NEK11: variants seen among roughly 807,000 people sequenced by gnomAD.
The protein encoded by NEK11 is serine/threonine-protein kinase Nek11.
NEK11 carries 72 observed loss-of-function variants against 80.7 expected under a neutral mutation model. The ratio of observed to expected loss-of-function variants is 0.89; its 90% CI spans 0.74 to 1.08. The LOEUF (loss-of-function observed/expected upper bound fraction) is 1.08, where lower values mean the gene tolerates loss of function less well. Ranked by LOEUF, NEK11 falls within the 50% of genes least tolerant of loss-of-function variation. The pLI is 0.00. For synonymous variants in NEK11, 251 were observed against 260.7 expected (o/e 0.96, Z 0.36); for missense variants, 764 against 763.6 (o/e 1.00, Z -0.01).
chr3:131,109,772 A>G, intron 4 of NEK11, 31 bp from the exon 5 acceptor site: 1 of 1,555,446 alleles, frequency 6.4e-7, no homozygotes, highest in Non-Finnish European at 8.6e-7. Flanking sequence ...ATTAGCTGAA[A>G]AAATATGAAA....
chr3:131,177,376 A>G (rs2093086047), intron 14 of NEK11, among the ~76,000 whole-genome samples: 1 of 152,220 alleles, frequency 6.6e-6, no homozygotes, highest in South Asian at 2.1e-4. Flanking sequence ...AAGTGAGACA[A>G]CATGTATTTG....
intron 17 of NEK11, among the ~76,000 whole-genome samples, chr3:131,299,701 A>G (rs2096640039): frequency 3.3e-5 from 5 of 152,230 alleles, no homozygotes; most frequent in African/African-American, 1.2e-4. Context: ...TGCAAAGGAT[A>G]TGATCTCATT....
At chr3:131,221,644 C>T (rs1358893335) in intron 14 of NEK11, among the ~76,000 whole-genome samples, 4 of 152,108 alleles carry the variant, frequency 2.6e-5, no homozygotes, top group African/African-American at 9.7e-5. Flanking sequence ...AGGCAAAGTT[C>T]CTGTTTTATG....
intron 17 of NEK11, among the ~76,000 whole-genome samples, chr3:131,303,490 A>C (rs965276123): frequency 6.6e-6 from 1 of 151,620 alleles, no homozygotes; most frequent in African/African-American, 2.4e-5. Context: ...CATATTTAGC[A>C]CTCCCTAAAG....
At chr3:131,129,273 C>G (rs897673011) in intron 5 of NEK11, among the ~76,000 whole-genome samples, 2 of 152,138 alleles carry the variant, frequency 1.3e-5, no homozygotes, top group African/African-American at 4.8e-5. Flanking sequence ...CCAGGATGGT[C>G]TCGATCTCCT....
chr3:131,305,407 G>A (rs1030511764), intron 17 of NEK11, among the ~76,000 whole-genome samples: 1 of 152,112 alleles, frequency 6.6e-6, no homozygotes. Flanking sequence ...AGCAGGCATG[G>A]TGAGGGTGGG....
intron 5 of NEK11, among the ~76,000 whole-genome samples, chr3:131,118,173 T>C (rs1011519729): frequency 6.6e-6 from 1 of 152,226 alleles, no homozygotes; most frequent in Non-Finnish European, 1.5e-5. Context: ...ATTGAGAGTT[T>C]TGGGTATGAA....
Position 131,041,452 on chromosome 3 carries a change from A to G in NEK11, c.170+11574A>G, listed in dbSNP as rs549287657. Among the ~76,000 whole-genome samples the G allele has an allele frequency of 2.0e-5, 3 of 152,280 alleles. No individual in the cohort carries two copies. The South Asian group carries it at 6.2e-4, about 32-fold the overall frequency. On this transcript the variant is annotated intron_variant, in intron 3 of 17. Transcript: ENST00000383366. ...AACTGACAACAGTAGATAATTTCCC[A>G]CAGATAAAGCTTATTTTGGCATTAT...
chr3:131,140,643 G>A (rs1515909), intron 7 of NEK11, among the ~76,000 whole-genome samples: 124,161 of 152,154 alleles, frequency 0.82, 50,754 homozygotes, highest in East Asian at 0.85. Context: ...CTAGGCCTCC[G>A]TATGACAATC....
At chr3:131,336,932 T>G (rs911617030) in intron 17 of NEK11, among the ~76,000 whole-genome samples, 34 of 152,106 alleles carry the variant, frequency 2.2e-4, no homozygotes, top group African/African-American at 7.5e-4. Flanking sequence ...CTCACACCAG[T>G]TAGAATGGCA....
intron 7 of NEK11, among the ~76,000 whole-genome samples, chr3:131,136,064 A>AAG (rs1316209901): frequency 2.0e-5 from 3 of 152,090 alleles, no homozygotes; most frequent in African/African-American, 7.2e-5. Flanking sequence ...CTCAAGAAAA[A>AAG]AAAAACAGCC....
At chr3:131,055,965 A>T (rs2069400006) in intron 3 of NEK11, among the ~76,000 whole-genome samples, 1 of 152,140 alleles carries the variant, frequency 6.6e-6, no homozygotes, top group Non-Finnish European at 1.5e-5. Context: ...ACTTATGTTT[A>T]TGTTTCTGTG....
chr3:131,320,888 T>C (rs1441050117), intron 17 of NEK11, among the ~76,000 whole-genome samples: 2 of 152,304 alleles, frequency 1.3e-5, no homozygotes, highest in Non-Finnish European at 2.9e-5. Context: ...TATTCATGAA[T>C]TGGGAGAATC....
intron 17 of NEK11, among the ~76,000 whole-genome samples, chr3:131,273,916 T>C (rs2108692299): frequency 6.6e-6 from 1 of 152,282 alleles, no homozygotes; most frequent in East Asian, 1.9e-4. Context: ...TATGTTTATA[T>C]ACTTATTGTT....
intron 17 of NEK11, among the ~76,000 whole-genome samples, chr3:131,320,638 A>C (rs1448196779): frequency 6.6e-6 from 1 of 152,138 alleles, no homozygotes; most frequent in Non-Finnish European, 1.5e-5. Context: ...TTAGTATTTC[A>C]GTAGAGGATG....
At chr3:131,224,333 TCCTCCCACTTCAG>T (rs1561062451) in intron 14 of NEK11, among the ~76,000 whole-genome samples, 1 of 152,024 alleles carries the variant, frequency 6.6e-6, no homozygotes, top group African/African-American at 2.4e-5. Context: ...GCTCAAGTGA[TCCTCCCACTTCAG>T]CCTCCCAGTT....
intron 14 of NEK11, among the ~76,000 whole-genome samples, chr3:131,215,175 A>AAAAAACC (rs1478634198): frequency 2.0e-5 from 3 of 151,822 alleles, no homozygotes; most frequent in African/African-American, 7.3e-5. Flanking sequence ...ATACAAGGAC[A>AAAAAACC]AAAAACCAAA....
intron 16 of NEK11, among the ~76,000 whole-genome samples, chr3:131,263,847 T>C (rs955933541): frequency 6.6e-5 from 10 of 152,010 alleles, no homozygotes; most frequent in Non-Finnish European, 7.4e-5. Flanking sequence ...TAAAAGTCCC[T>C]ATTTCTCCAC....
intron 11 of NEK11, among the ~76,000 whole-genome samples, chr3:131,163,044 T>C (rs1332843022): frequency 1.1e-4 from 17 of 152,200 alleles, no homozygotes; most frequent in Admixed American, 1.1e-3. Flanking sequence ...TGGTGGGAGA[T>C]ATCACTAGTA....
Sources: allele counts gnomAD v4.1 joint callset (sites outside exome capture counted in the v4.1 genomes callset), GRCh38; gene constraint gnomAD v4.1.1; transcripts MANE v1.5; gene names NCBI Gene and HGNC (gene_info 2026-07-23, HGNC 2026-07-21).